Variants in MARK3 observed in about 807,000 individuals in gnomAD.
MARK3 encodes the protein MAP/microtubule affinity-regulating kinase 3.
Under a neutral mutation model 90.1 loss-of-function variants are expected in MARK3, and 46 were observed. That is an observed-to-expected ratio of 0.51 (90% CI 0.40 to 0.65). The LOEUF (loss-of-function observed/expected upper bound fraction) is 0.65. MARK3 is among the 30% of genes least tolerant of loss of function. The pLI, the probability that MARK3 is intolerant of heterozygous loss-of-function variation, is 0.00. For synonymous variants in MARK3, 321 were observed against 332.6 expected (o/e 0.97, Z 0.38); for missense variants, 818 against 947.2 (o/e 0.86, Z 1.79).
At chr14:103,386,186 T>C (rs768047293) in intron 1 of MARK3, 106 bp downstream of exon 1, 3 of 1,103,446 alleles carry the variant, frequency 2.7e-6, no homozygotes, top group African/African-American at 1.5e-5. Flanking sequence ...GCTCTGGAAA[T>C]AGAGGGCAGG....
chr14:103,459,673 A>ATTTT (rs67953960), intron 6 of MARK3, among the ~76,000 whole-genome samples: 1 of 147,636 alleles, frequency 6.8e-6, no homozygotes, highest in African/African-American at 2.5e-5. Flanking sequence ...CTAATTTTTT[A>ATTTT]TTTTTTTTTT....
intron 14 of MARK3, among the ~76,000 whole-genome samples, chr14:103,484,553 C>G (rs1175112946): frequency 6.6e-6 from 1 of 152,208 alleles, no homozygotes; most frequent in Non-Finnish European, 1.5e-5. Context: ...ATTTTATCCA[C>G]TTTACCCTGC....
At chr14:103,437,297 G>A (rs749346066) in intron 3 of MARK3, among the ~76,000 whole-genome samples, 1 of 151,944 alleles carries the variant, frequency 6.6e-6, no homozygotes, top group Non-Finnish European at 1.5e-5. Context: ...GGGAAGCTGA[G>A]GCAGGAAAAT....
chr14:103,389,227 G>C (rs1361158500), intron 1 of MARK3, among the ~76,000 whole-genome samples: 1 of 151,802 alleles, frequency 6.6e-6, no homozygotes, highest in African/African-American at 2.4e-5. Context: ...AGCCGGGCGT[G>C]GTGGCAGGCA....
At chr14:103,470,455 A>ATTTTTTTTTTTTT (rs6145477) in intron 12 of MARK3, among the ~76,000 whole-genome samples, 14,117 of 53,906 alleles carry the variant, frequency 0.26, 5,048 homozygotes, top group South Asian at 0.53. Flanking sequence ...AACTAAATCT[A>ATTTTTTTTTTTTT]TTTTTTTTTT....
chr14:103,447,616 A>T lies in MARK3; in HGVS notation c.298-1303A>T, dbSNP rs556357144. Reference sequence around the variant, plus strand: ...CTTGTTTGCAAGAGGGTTGAATAGGATGGTCTCTAAAATCCTGTTGTTTTT... The same window carrying T: ...CTTGTTTGCAAGAGGGTTGAATAGGTTGGTCTCTAAAATCCTGTTGTTTTT... On this transcript the variant is annotated intron_variant, in intron 3 of 17. Coordinates refer to ENST00000429436, the MANE Select transcript of MARK3 (RefSeq NM_001128918.3). Among the ~76,000 whole-genome samples the T allele has an allele frequency of 2.0e-5, 3 of 152,170 alleles. No individual in the cohort carries two copies. The South Asian group carries it at 6.2e-4, about 32-fold the overall frequency.
intron 13 of MARK3, among the ~76,000 whole-genome samples, chr14:103,477,128 C>T (rs1288433414): frequency 6.6e-6 from 1 of 152,166 alleles, no homozygotes; most frequent in Non-Finnish European, 1.5e-5. Flanking sequence ...TGGGATTTCT[C>T]TGTAGATGGT....
At chr14:103,428,610 T>C (rs1323079598) in intron 3 of MARK3, among the ~76,000 whole-genome samples, 170 bp downstream of exon 3, 1 of 152,240 alleles carries the variant, frequency 6.6e-6, no homozygotes, top group Non-Finnish European at 1.5e-5. Context: ...TGTTGGGTTA[T>C]CTTTGGTCGG....
chr14:103,475,994 C>T (rs1236011019), intron 13 of MARK3, among the ~76,000 whole-genome samples: 2 of 151,266 alleles, frequency 1.3e-5, no homozygotes, highest in Admixed American at 6.6e-5. Context: ...GCCCTCGTGG[C>T]CTAAACACCT....
intron 3 of MARK3, among the ~76,000 whole-genome samples, chr14:103,443,925 G>A (rs1352117041): frequency 6.6e-6 from 1 of 152,132 alleles, no homozygotes; most frequent in Non-Finnish European, 1.5e-5. Flanking sequence ...AGAGTGATGA[G>A]GGAGTGACTT....
intron 2 of MARK3, among the ~76,000 whole-genome samples, chr14:103,425,382 T>C (rs909208474): frequency 6.6e-6 from 1 of 151,712 alleles, no homozygotes; most frequent in African/African-American, 2.4e-5. Flanking sequence ...GCCTCAGCCT[T>C]TCAAGTAGCT....
At chr14:103,410,706 T>TA (rs1271550418) in intron 2 of MARK3, among the ~76,000 whole-genome samples, 1 of 152,132 alleles carries the variant, frequency 6.6e-6, no homozygotes, top group Non-Finnish European at 1.5e-5. Flanking sequence ...CTAAAATAAA[T>TA]AAAAATAAAA....
At chr14:103,485,064 A>AAAAAAAAG (rs2093901197) in intron 14 of MARK3, among the ~76,000 whole-genome samples, 1 of 23,148 alleles carries the variant, frequency 4.3e-5, no homozygotes, top group Non-Finnish European at 7.2e-5. Context: ...CTAAAAATAC[A>AAAAAAAAG]AAAAAAAAAA....
intron 5 of MARK3, among the ~76,000 whole-genome samples, chr14:103,453,814 A>G (rs2093211569): frequency 6.6e-6 from 1 of 152,168 alleles, no homozygotes; most frequent in South Asian, 2.1e-4. Context: ...CAGCGACTCC[A>G]TGCTGTGGCC....
At chr14:103,499,178 T>G (rs1025301380) in intron 16 of MARK3, 1 of 152,224 alleles carries the variant, frequency 6.6e-6, no homozygotes, top group Non-Finnish European at 1.5e-5. Flanking sequence ...CTGATTTTAT[T>G]AATATTTTTT....
intron 4 of MARK3, among the ~76,000 whole-genome samples, chr14:103,450,429 G>A (rs913919952): frequency 1.3e-5 from 2 of 152,174 alleles, no homozygotes; most frequent in Non-Finnish European, 2.9e-5. Context: ...TACTTAAATT[G>A]TGACCTGATT....
At chr14:103,466,480 C>A in intron 10 of MARK3, 38 bp downstream of exon 10, 1 of 1,344,570 alleles carries the variant, frequency 7.4e-7, no homozygotes, top group Non-Finnish European at 1.1e-6. Flanking sequence ...GTGTTTTTGT[C>A]TAAGTAACAT....
intron 4 of MARK3, among the ~76,000 whole-genome samples, chr14:103,449,362 G>C (rs2093073019): frequency 6.7e-6 from 1 of 148,986 alleles, no homozygotes; most frequent in East Asian, 1.9e-4. Context: ...GATTGCTGGA[G>C]GTCAGGAGCT....
chr14:103,503,052 T>C lies in MARK3; in HGVS notation c.2087T>C (p.Phe696Ser). Reference protein sequence around the residue: ...NNCDYEQRERFLLFCVHGDGH... With the variant: ...NNCDYEQRERSLLFCVHGDGH... ...TGCGACTATGAGCAGAGGGAGCGCT[T>C]CTTGCTCTTCTGCGTCCACGGAGAT... is the stretch of plus-strand genomic sequence containing the variant. Residue 696 changes from phenylalanine (F) to serine (S), a missense_variant, in exon 18 of 18, where the codon TTC becomes TCC. By Grantham distance (155) the Phe-to-Ser change is radical. Coordinates refer to ENST00000429436, the MANE Select transcript of MARK3 (RefSeq NM_001128918.3). 1 of 1,614,226 alleles carries C rather than the reference T, an allele frequency of 6.2e-7. No homozygotes were observed. The highest frequency in any genetic ancestry group is 1.1e-5 in the South Asian group (1 of 91,084).
Sources: gnomAD v4.1 joint callset for allele counts (sites outside exome capture counted in the v4.1 genomes callset) on GRCh38, gnomAD v4.1.1 for gene constraint, MANE v1.5 for transcripts, NCBI Gene and HGNC (gene_info 2026-07-23, HGNC 2026-07-21) for gene names.